Variants in FGF12 observed in about 807,000 individuals in gnomAD.
The protein encoded by FGF12 is fibroblast growth factor 12, also known as fibroblast growth factor 12B.
In FGF12, 14 loss-of-function variants were observed where a neutral mutation model predicts 23.6. That is an observed-to-expected ratio of 0.59 (90% CI 0.39 to 0.93). The LOEUF (loss-of-function observed/expected upper bound fraction) is 0.93, where lower values mean the gene tolerates loss of function less well. Among genes scored for constraint, FGF12 ranks in the 40% least tolerant of loss-of-function variants. FGF12 has a pLI of 0.00. For synonymous variants in FGF12, 62 were observed against 77.3 expected (o/e 0.80, Z 1.04); for missense variants, 175 against 217.8 (o/e 0.80, Z 1.24).
At chr3:192,198,152 G>A (rs1002816258) in intron 4 of FGF12, among the ~76,000 whole-genome samples, 2 of 152,024 alleles carry the variant, frequency 1.3e-5, no homozygotes, top group African/African-American at 4.8e-5. Flanking sequence ...AAGGCAGAGA[G>A]CTGAGTATTT....
chr3:192,210,347 A>C (rs1717865496), intron 4 of FGF12, among the ~76,000 whole-genome samples: 1 of 152,174 alleles, frequency 6.6e-6, no homozygotes, highest in South Asian at 2.1e-4. Context: ...TATGTGTGAG[A>C]GGAAACTACC....
chr3:192,692,818 A>G (rs1717986217), intron 2 of FGF12, among the ~76,000 whole-genome samples: 1 of 152,092 alleles, frequency 6.6e-6, no homozygotes, highest in Non-Finnish European at 1.5e-5. Flanking sequence ...AAGAAAATTT[A>G]CTCAACATAT....
intron 5 of FGF12, among the ~76,000 whole-genome samples, chr3:192,167,174 A>C (rs2108612765): frequency 6.6e-6 from 1 of 152,060 alleles, no homozygotes; most frequent in African/African-American, 2.4e-5. Context: ...AAAAAAAAAA[A>C]AAAAAAAAAG....
At chr3:192,633,381 C>T (rs912480202) in intron 2 of FGF12, among the ~76,000 whole-genome samples, 3 of 151,994 alleles carry the variant, frequency 2.0e-5, no homozygotes, top group African/African-American at 7.3e-5. Context: ...TTTGGGACCC[C>T]CTTTAAGCTA....
chr3:192,466,333 G>A (rs1046530480), intron 2 of FGF12, among the ~76,000 whole-genome samples: 1 of 152,044 alleles, frequency 6.6e-6, no homozygotes, highest in Non-Finnish European at 1.5e-5. Flanking sequence ...AGTATTTCCA[G>A]CAAATCACAG....
At chr3:192,250,044 A>C (rs1197242897) in intron 4 of FGF12, among the ~76,000 whole-genome samples, 3 of 152,282 alleles carry the variant, frequency 2.0e-5, no homozygotes, top group Non-Finnish European at 1.5e-5. Flanking sequence ...AAACAACCTT[A>C]TTATCGATTC....
intron 5 of FGF12, among the ~76,000 whole-genome samples, chr3:192,162,517 A>T (rs1265290015): frequency 6.6e-6 from 1 of 152,122 alleles, no homozygotes; most frequent in Non-Finnish European, 1.5e-5. Context: ...AACTGGTTTG[A>T]ATAAGTTACA....
chr3:192,705,632 T>C (rs936324657), intron 2 of FGF12, among the ~76,000 whole-genome samples: 8 of 152,208 alleles, frequency 5.3e-5, no homozygotes, highest in African/African-American at 9.6e-5. Context: ...CAGATCACCA[T>C]GAAAGTTATA....
At chr3:192,172,371 C>T (rs1715615727) in intron 4 of FGF12, among the ~76,000 whole-genome samples, 2 of 149,706 alleles carry the variant, frequency 1.3e-5, no homozygotes, top group Non-Finnish European at 1.5e-5. Flanking sequence ...TTGGGTGACA[C>T]AGTGAAATGG....
At position 192,391,899 on chromosome 3, in the gene FGF12, C is replaced by G. The variant is rs117862215; in HGVS notation, c.14-31361G>C. Among the ~76,000 whole-genome samples, 62 of 152,238 alleles carry G rather than the reference C, an allele frequency of 4.1e-4. 1 individual carries two copies. In the East Asian group the frequency reaches 0.011, roughly 27 times the overall value. ...AACTAAGTGAGACTTAGATTGGAGA[C>G]GGTAAGACACAGATTGAGGAGTGGG... On this transcript the variant is annotated intron_variant, in intron 2 of 5. Transcript: ENST00000445105.
At chr3:192,155,287 G>A (rs1714337601) in intron 5 of FGF12, among the ~76,000 whole-genome samples, 1 of 152,168 alleles carries the variant, frequency 6.6e-6, no homozygotes, top group Non-Finnish European at 1.5e-5. Context: ...CATTGCTCAC[G>A]CTGGGAGCTG....
intron 2 of FGF12, among the ~76,000 whole-genome samples, chr3:192,694,246 A>G (rs1294589545): frequency 6.6e-6 from 1 of 152,148 alleles, no homozygotes. Flanking sequence ...GACATAAAAA[A>G]TGTTGGCAAG....
intron 2 of FGF12, among the ~76,000 whole-genome samples, chr3:192,392,590 CCGAGAGAGAG>C (rs1340552708): frequency 1.3e-4 from 12 of 89,086 alleles, no homozygotes; most frequent in African/African-American, 6.1e-4. Context: ...AAGTGAAACT[CCGAGAGAGAG>C]AGAGAGAGAG....
At chr3:192,191,864 A>G (rs1157602845) in intron 4 of FGF12, among the ~76,000 whole-genome samples, 1 of 152,130 alleles carries the variant, frequency 6.6e-6, no homozygotes, top group African/African-American at 2.4e-5. Context: ...TTAAAAAACT[A>G]ATAACAAAGC....
chr3:192,669,750 T>C (rs1717040812), intron 2 of FGF12, among the ~76,000 whole-genome samples: 1 of 152,164 alleles, frequency 6.6e-6, no homozygotes, highest in African/African-American at 2.4e-5. Context: ...TATCATTTTC[T>C]TATGATAATG....
Position 192,622,004 on chromosome 3 carries a change from G to T in FGF12, c.13+105177C>A, listed in dbSNP as rs555913985. Among the ~76,000 whole-genome samples, 3 of 152,284 alleles carry T rather than the reference G, an allele frequency of 2.0e-5. No homozygotes were observed. The South Asian group carries it at 6.2e-4, about 32-fold the overall frequency. On this transcript the variant is annotated intron_variant, in intron 2 of 5. Transcript: ENST00000445105. ...CTCAGATCTTTCCAGTTGTTGGTGAGTAGCCCACTGAGGAAAAGGCCTCTT... is the reference window on the plus strand; with the variant it reads ...CTCAGATCTTTCCAGTTGTTGGTGATTAGCCCACTGAGGAAAAGGCCTCTT...
At chr3:192,539,184 C>T (rs546264185) in intron 2 of FGF12, among the ~76,000 whole-genome samples, 1 of 152,206 alleles carries the variant, frequency 6.6e-6, no homozygotes, top group Admixed American at 6.5e-5. Context: ...TGTTGAATAA[C>T]AATGGTGAAA....
chr3:192,376,552 G>A (rs1201492889), intron 2 of FGF12, among the ~76,000 whole-genome samples: 1 of 151,942 alleles, frequency 6.6e-6, no homozygotes. Flanking sequence ...AGTAGAGACG[G>A]GGTTGCTCCA....
intron 2 of FGF12, among the ~76,000 whole-genome samples, chr3:192,463,855 A>T (rs1722932167): frequency 6.6e-6 from 1 of 152,126 alleles, no homozygotes; most frequent in South Asian, 2.1e-4. Flanking sequence ...TTTTAAATTA[A>T]GAACAAAGCT....
Sources: allele counts gnomAD v4.1 joint callset (sites outside exome capture counted in the v4.1 genomes callset), GRCh38; gene constraint gnomAD v4.1.1; transcripts MANE v1.5; gene names NCBI Gene and HGNC (gene_info 2026-07-23, HGNC 2026-07-21).